Variants in ZNFX1 observed in about 807,000 individuals in gnomAD.
The protein encoded by ZNFX1 is zinc finger NFX1-type containing 1.
Under a neutral mutation model 179.8 loss-of-function variants are expected in ZNFX1, and 78 were observed. The observed-to-expected ratio is 0.43, with a 90% confidence interval of 0.36 to 0.52. The LOEUF (loss-of-function observed/expected upper bound fraction) is 0.52, where lower values mean the gene tolerates loss of function less well. Ranked by LOEUF, ZNFX1 falls within the 20% of genes least tolerant of loss-of-function variation. ZNFX1 has a pLI of 0.00. For missense variants in ZNFX1, 1,927 were observed against 2,386.6 expected (o/e 0.81, Z 4.01); for synonymous variants, 848 against 868.5 (o/e 0.98, Z 0.42).
intron 3 of ZNFX1, 140 bp downstream of exon 3, chr20:49,269,802 C>T (rs1375557605): frequency 9.9e-7 from 1 of 1,014,006 alleles, no homozygotes; most frequent in Admixed American, 2.6e-5. Flanking sequence ...CAAACCTGCA[C>T]ATGTACCCCT....
chr20:49,266,330 A>G (rs536799065), intron 3 of ZNFX1, 64 bp from the exon 4 acceptor site: 172 of 1,454,854 alleles, frequency 1.2e-4, no homozygotes, highest in Non-Finnish European at 9.0e-5. Flanking sequence ...AATTACTCAG[A>G]GCAAAATCTT....
At chr20:49,257,892 T>C (rs1379075081) in intron 7 of ZNFX1, among the ~76,000 whole-genome samples, 2 of 151,070 alleles carry the variant, frequency 1.3e-5, no homozygotes, top group African/African-American at 4.9e-5. Flanking sequence ...TTTTGTATTT[T>C]TAGTAGAGAT....
At position 49,255,842 on chromosome 20, in the gene ZNFX1, G is replaced by C; in HGVS notation, c.2770C>G (p.Gln924Glu). 1 of 1,614,100 alleles carries C rather than the reference G, an allele frequency of 6.2e-7. No homozygotes were observed. Among genetic ancestry groups the C allele is most frequent in the Non-Finnish European group, 8.5e-7 (1 of 1,179,978 alleles). Residue 924 changes from glutamine to glutamate, a missense_variant, in exon 9 of 14, where the codon CAG (glutamine) becomes GAG (glutamate). Physicochemically the swap from Gln to Glu is conservative, Grantham distance 29. Coordinates refer to ENST00000396105, the MANE Select transcript of ZNFX1 (RefSeq NM_021035.3). ...AEANEIEDVW[Q>E]LDLSSRWQLY... ...TGCCAGCGAGAACTGAGGTCCAGCTGCCAAACATCCTCGATCTCGTTGGCC... is the reference window on the plus strand; with the variant it reads ...TGCCAGCGAGAACTGAGGTCCAGCTCCCAAACATCCTCGATCTCGTTGGCC...
rs71647791 is a variant in ZNFX1 at position 49,246,872 on chromosome 20, ATT to A, written c.*393_*394del. ...GTAGGTGCTAAGACTAAAAAGAATG[ATT>A]TTTTTTTTTTTGAGACAGAGTCTTG... On this transcript the variant is annotated 3_prime_UTR_variant, in exon 14 of 14. Transcript: ENST00000396105. 266,915 of 426,652 alleles carry A rather than the reference ATT, an allele frequency of 0.63. 77,084 individuals are homozygous for A. Among genetic ancestry groups the A allele is most frequent in the Middle Eastern group, 0.7 (2,064 of 2,950 alleles). 26.4% of individuals were successfully genotyped at this position (426,652 alleles called of 1,614,324 possible).
At position 49,270,005 on chromosome 20, in the gene ZNFX1, T is replaced by G. The variant is rs530773685; in HGVS notation, c.1807A>C (p.Met603Leu). ...GTGAGAGCAAACTGCAAGGCTTCCA[T>G]CTGGGAGTCATCCAGCTTCAGGGCT... The part of the protein sequence containing the change: ...KEALKLDDSQ[M>L]EALQFALTRE... Residue 603 changes from methionine to leucine, a missense_variant, in exon 3 of 14, where the codon ATG becomes CTG. Transcript: ENST00000396105. The surrounding 1 kb of genome is among the most constrained non-coding windows in gnomAD (Gnocchi z 4.6). 2.5e-6 allele frequency: 4 copies of G among 1,614,138 alleles called. No homozygotes were observed. The South Asian group carries it at 4.4e-5, about 18-fold the overall frequency.
At chr20:49,269,487 G>C (rs1439961415) in intron 3 of ZNFX1, among the ~76,000 whole-genome samples, 1 of 152,202 alleles carries the variant, frequency 6.6e-6, no homozygotes, top group African/African-American at 2.4e-5. Context: ...TTCGAGATCA[G>C]CCTGTCTAAC....
intron 9 of ZNFX1, among the ~76,000 whole-genome samples, 153 bp downstream of exon 9, chr20:49,255,655 A>G (rs12106078): frequency 0.038 from 5,751 of 152,288 alleles, 326 homozygotes; most frequent in African/African-American, 0.13. Flanking sequence ...CAAAGTGTCT[A>G]TTCTATCCCA....
chr20:49,269,895 T>G (rs2146741250), intron 3 of ZNFX1, 47 bp downstream of exon 3: 2 of 1,528,116 alleles, frequency 1.3e-6, no homozygotes, highest in East Asian at 2.3e-5. Flanking sequence ...CGTCCCTTGC[T>G]TATCTTACAA....
At chr20:49,257,304 TAC>T in intron 8 of ZNFX1, 111 bp downstream of exon 8, 1 of 1,438,660 alleles carries the variant, frequency 7.0e-7, no homozygotes, top group Non-Finnish European at 9.4e-7. Context: ...TAGGCTGTAA[TAC>T]AGGTACTTAG....
chr20:49,267,366 G>C (rs1290403599), intron 3 of ZNFX1, among the ~76,000 whole-genome samples: 1 of 151,926 alleles, frequency 6.6e-6, no homozygotes, highest in South Asian at 2.1e-4. Flanking sequence ...GAGTGCAGGG[G>C]CTATGTGTAC....
intron 8 of ZNFX1, among the ~76,000 whole-genome samples, chr20:49,256,909 A>C (rs1198735202): frequency 1.3e-5 from 2 of 152,220 alleles, no homozygotes; most frequent in Non-Finnish European, 2.9e-5. Context: ...GGCTCCACCA[A>C]AAGGAGCAGA....
At chr20:49,256,011 G>A (rs1980963072) in intron 8 of ZNFX1, 64 bp from the exon 9 acceptor site, 1 of 1,585,038 alleles carries the variant, frequency 6.3e-7, no homozygotes. Context: ...TTAAGCCCAA[G>A]GCAGGGGTCA....
intron 1 of ZNFX1, 106 bp from the exon 2 acceptor site, chr20:49,275,993 G>A (rs772969401): frequency 5.9e-6 from 4 of 677,866 alleles, no homozygotes; most frequent in Non-Finnish European, 1.0e-5. Context: ...TTAATGATTT[G>A]TTAACTAAGG....
Position 49,248,836 on chromosome 20 carries a change from C to A in ZNFX1, c.4188G>T (p.Gln1396His). The change falls in exon 14 of 14, where the codon CAG (glutamine) becomes CAT (histidine). Residue 1396 changes from glutamine to histidine, a missense_variant. Gln to His is a conservative substitution (Grantham distance 24, BLOSUM62 0). Coordinates refer to ENST00000396105, the MANE Select transcript of ZNFX1 (RefSeq NM_021035.3). This position sits in a 1 kb window ranked among gnomAD's most constrained non-coding sequence, Gnocchi z 4.6. ...CSHPCGEDCV[Q>H]LCSEMVTIKL... ...TTATGGTGACCATTTCTGAACACAGCTGCACACAGTCCTCACCACATGGGT... is the reference window on the plus strand; with the variant it reads ...TTATGGTGACCATTTCTGAACACAGATGCACACAGTCCTCACCACATGGGT... The A allele has an allele frequency of 6.2e-7, 1 of 1,613,448 alleles. No homozygotes were observed. The highest frequency in any genetic ancestry group is 8.5e-7 in the Non-Finnish European group (1 of 1,179,352).
chr20:49,264,557 T>C (rs1358907140), intron 5 of ZNFX1, among the ~76,000 whole-genome samples, 159 bp downstream of exon 5: 3 of 152,142 alleles, frequency 2.0e-5, no homozygotes, highest in African/African-American at 7.2e-5. Flanking sequence ...GCAAAGGTCA[T>C]ACCAAGGGAT....
chr20:49,270,707 G>C lies in ZNFX1; in HGVS notation c.1105C>G (p.Leu369Val), dbSNP rs778079611. 2 of 1,614,186 alleles carry C rather than the reference G, an allele frequency of 1.2e-6. No homozygotes were observed. The highest frequency in any genetic ancestry group is 2.2e-5 in the South Asian group (2 of 91,084). The part of the protein sequence containing the change: ...SGKYDSTAIY[L>V]DTHFRLLRED... ...CGCAGGAGCCGGAAGTGGGTATCCA[G>C]ATAGATAGCAGTGCTGTCGTATTTT... The change falls in exon 3 of 14, where the codon CTG becomes GTG. Residue 369 changes from leucine (L) to valine (V), a missense_variant. Leu to Val is a conservative substitution (Grantham distance 32). Transcript: ENST00000396105. The surrounding 1 kb of genome is among the most constrained non-coding windows in gnomAD (Gnocchi z 4.6).
chr20:49,274,826 A>G (rs999901776), intron 2 of ZNFX1, among the ~76,000 whole-genome samples: 2 of 152,112 alleles, frequency 1.3e-5, no homozygotes, highest in African/African-American at 4.8e-5. Context: ...TGATGTTTCT[A>G]GAAAATAAAA....
At chr20:49,254,462 A>C (rs1315621412) in intron 10 of ZNFX1, 33 bp downstream of exon 10, 2 of 1,610,094 alleles carry the variant, frequency 1.2e-6, no homozygotes, top group Admixed American at 3.3e-5. Context: ...GTGAACTTAG[A>C]TGCAACAGGC....
rs139008762 is a variant in ZNFX1, at chr20:49,250,214, C to T, written c.3313-503G>A. ...AGATTGCAGTGAGCCGAGATCATGC[C>T]ACTGCACTCCAGCCTGGGTGACAGA... is the stretch of plus-strand genomic sequence containing the variant. On this transcript the variant is annotated intron_variant, in intron 13 of 13. Coordinates refer to ENST00000396105, the MANE Select transcript of ZNFX1 (RefSeq NM_021035.3). Among the ~76,000 whole-genome samples the T allele has an allele frequency of 4.8e-3, 732 of 152,280 alleles. 25 individuals are homozygous for T. The highest frequency in any genetic ancestry group is 0.043 in the Admixed American group (658 of 15,298).
Sources: gnomAD v4.1 joint callset for allele counts (sites outside exome capture counted in the v4.1 genomes callset) on GRCh38, gnomAD v4.1.1 for gene constraint, Gnocchi (gnomAD v3.1) non-coding constraint, MANE v1.5 for transcripts, NCBI Gene and HGNC (gene_info 2026-07-23, HGNC 2026-07-21) for gene names.